GMCL1: variants seen among roughly 807,000 people sequenced by gnomAD.
GMCL1 encodes germ cell-less protein-like 1.
In GMCL1, 54 loss-of-function variants were observed where a neutral mutation model predicts 75.5. The observed-to-expected ratio is 0.71, with a 90% confidence interval of 0.57 to 0.90. The LOEUF (loss-of-function observed/expected upper bound fraction) is 0.90. Ranked by LOEUF, GMCL1 falls within the 40% of genes least tolerant of loss-of-function variation. The pLI is 0.00. For missense variants in GMCL1, 537 were observed against 622.7 expected (o/e 0.86, Z 1.47); for synonymous variants, 210 against 209.6 (o/e 1.00, Z -0.02).
intron 1 of GMCL1, among the ~76,000 whole-genome samples, chr2:69,832,552 G>C (rs1413787665): frequency 6.6e-6 from 1 of 152,138 alleles, no homozygotes; most frequent in Non-Finnish European, 1.5e-5. Context: ...GGTGAAGTCT[G>C]GGATTGTAGT....
chr2:69,863,464 CT>C (rs1158438242), intron 10 of GMCL1, among the ~76,000 whole-genome samples: 1 of 152,152 alleles, frequency 6.6e-6, no homozygotes, highest in East Asian at 1.9e-4. Flanking sequence ...TCATAAAACT[CT>C]TGTCTATGTT....
chr2:69,863,827 T>A (rs1177122439), intron 10 of GMCL1, among the ~76,000 whole-genome samples: 1 of 152,206 alleles, frequency 6.6e-6, no homozygotes, highest in African/African-American at 2.4e-5. Context: ...TAAATTCTTA[T>A]GTTCATATGC....
chr2:69,859,001 C>A (rs999457457), intron 9 of GMCL1, among the ~76,000 whole-genome samples: 1 of 151,916 alleles, frequency 6.6e-6, no homozygotes, highest in Non-Finnish European at 1.5e-5. Flanking sequence ...AAAAAATAAG[C>A]CAGGTGTGGT....
At chr2:69,860,720 A>G (rs1675615005) in intron 9 of GMCL1, among the ~76,000 whole-genome samples, 1 of 152,242 alleles carries the variant, frequency 6.6e-6, no homozygotes, top group Admixed American at 6.5e-5. Context: ...TATGCAATGT[A>G]ATAAGTACAG....
At position 69,877,869 on chromosome 2, in the gene GMCL1, C is replaced by T. The variant is rs1323573716; in HGVS notation, c.1453-1040C>T. Among the ~76,000 whole-genome samples the T allele has an allele frequency of 2.0e-5, 3 of 152,150 alleles. No homozygotes were observed. The East Asian group carries it at 5.8e-4, about 29-fold the overall frequency. ...TTCCTCTTCATGCAGGAATACATGT[C>T]TCAGTAAAAAATTAAAACTTTGGAT... On this transcript the variant is annotated intron_variant, in intron 13 of 13. Coordinates refer to ENST00000282570, the MANE Select transcript of GMCL1 (RefSeq NM_178439.5).
Position 69,861,301 on chromosome 2 carries a change from C to G in GMCL1, c.1096C>G (p.Gln366Glu), listed in dbSNP as rs1048771115. 3.2e-5 allele frequency: 52 copies of G among 1,607,266 alleles called. No homozygotes were observed. Among genetic ancestry groups the G allele is most frequent in the Non-Finnish European group, 4.3e-5 (51 of 1,175,226 alleles). Residue 366 changes from glutamine to glutamate, a missense_variant, in exon 10 of 14, where the codon CAG becomes GAG. By Grantham distance (29) the Gln-to-Glu change is conservative. Around this residue, in one of 3 missense-constraint regions of GMCL1, gnomAD observed 345 missense variants for 410.5 expected, o/e 0.84. Transcript: ENST00000282570. ...PSEWLSSVYKQQWFAMLRAEQ... is the reference protein window; with the variant it reads ...PSEWLSSVYKEQWFAMLRAEQ... Reference sequence around the variant, plus strand: ...AGAATGGCTCTCTTCTGTGTATAAACAGCAGTGGTTTGCTATGCTGCGGGC... The same window carrying G: ...AGAATGGCTCTCTTCTGTGTATAAAGAGCAGTGGTTTGCTATGCTGCGGGC...
chr2:69,846,528 A>G (rs1675151283), intron 6 of GMCL1, among the ~76,000 whole-genome samples: 1 of 152,198 alleles, frequency 6.6e-6, no homozygotes, highest in Admixed American at 6.5e-5. Context: ...GAGGTTCTGA[A>G]ACCAATCCCC....
chr2:69,830,239 C>A, intron 1 of GMCL1, 87 bp downstream of exon 1: 6 of 1,444,710 alleles, frequency 4.2e-6, no homozygotes, highest in Non-Finnish European at 5.5e-6. Context: ...TTGCGGGGTG[C>A]AGCGCTCCCC....
At chr2:69,862,794 A>C (rs1209189670) in intron 10 of GMCL1, among the ~76,000 whole-genome samples, 4 of 152,188 alleles carry the variant, frequency 2.6e-5, no homozygotes, top group African/African-American at 9.7e-5. Context: ...ACAAATAATA[A>C]ATTGAAATCA....
Position 69,879,236 on chromosome 2 carries a change from T to TAG in GMCL1, c.*233_*234insGA, listed in dbSNP as rs1362325615. On this transcript the variant is annotated 3_prime_UTR_variant, in exon 14 of 14. Coordinates refer to ENST00000282570, the MANE Select transcript of GMCL1 (RefSeq NM_178439.5). Reference sequence around the variant, plus strand: ...TAAGAACATTTTAAAGCCAAGAAAATATCTGTCAAACCATTTCTGTTAGAA... The same window carrying TAG: ...TAAGAACATTTTAAAGCCAAGAAAATAGATCTGTCAAACCATTTCTGTTAGAA... The TAG allele has an allele frequency of 9.8e-6, 3 of 306,784 alleles. No individual in the cohort carries two copies. Among genetic ancestry groups the TAG allele is most frequent in the Non-Finnish European group, 1.2e-5 (2 of 167,112 alleles). The allele number at this position is 306,784 out of a possible 1,614,324, so 19.0% of individuals were successfully genotyped here. A position where few individuals can be genotyped will look rare whatever the true frequency, so the allele number is the denominator to read the frequency against.
At chr2:69,831,906 C>A (rs1235739722) in intron 1 of GMCL1, among the ~76,000 whole-genome samples, 1 of 152,162 alleles carries the variant, frequency 6.6e-6, no homozygotes, top group Non-Finnish European at 1.5e-5. Flanking sequence ...CCATTGCCAA[C>A]CTATAGCATA....
intron 13 of GMCL1, among the ~76,000 whole-genome samples, chr2:69,877,767 A>G (rs1482514897): frequency 6.6e-6 from 1 of 151,668 alleles, no homozygotes; most frequent in Non-Finnish European, 1.5e-5. Flanking sequence ...CTTTATTCAA[A>G]TTTATCTTCT....
rs1235481176 is a variant in GMCL1 at position 69,880,485 on chromosome 2, C to T, written c.*1481C>T. The T allele has an allele frequency of 1.3e-5, 2 of 152,102 alleles. No individual in the cohort carries two copies. The highest frequency in any genetic ancestry group is 2.9e-5 in the Non-Finnish European group (2 of 68,026). 9.4% of individuals were successfully genotyped at this position (152,102 alleles called of 1,614,324 possible). On this transcript the variant is annotated 3_prime_UTR_variant, in exon 14 of 14. Transcript: ENST00000282570. ...CCTTTTAAATGCCTCACCCTTGACC[C>T]TCAGAGCTGGAATTTAAATGTTTCT...
At chr2:69,862,965 A>T (rs1021836585) in intron 10 of GMCL1, among the ~76,000 whole-genome samples, 2 of 151,932 alleles carry the variant, frequency 1.3e-5, no homozygotes, top group Non-Finnish European at 2.9e-5. Flanking sequence ...TAAATTTTGG[A>T]TGTTCTTTAT....
intron 10 of GMCL1, 118 bp downstream of exon 10, chr2:69,861,465 A>T: frequency 1.8e-6 from 1 of 567,252 alleles, no homozygotes; most frequent in Non-Finnish European, 3.1e-6. Context: ...TGAAGTAAAG[A>T]TCATATAATC....
intron 9 of GMCL1, among the ~76,000 whole-genome samples, chr2:69,857,269 G>C (rs1675499940): frequency 1.3e-5 from 2 of 152,082 alleles, no homozygotes; most frequent in Admixed American, 6.6e-5. Context: ...TCAACTCTGT[G>C]TCCTTCACTT....
intron 8 of GMCL1, among the ~76,000 whole-genome samples, chr2:69,853,232 A>C (rs1204886738): frequency 6.6e-6 from 1 of 152,192 alleles, no homozygotes; most frequent in African/African-American, 2.4e-5. Flanking sequence ...TTAATTCAAC[A>C]TATGAACTGG....
chr2:69,852,791 G>A (rs543506378), intron 8 of GMCL1, among the ~76,000 whole-genome samples: 98 of 152,110 alleles, frequency 6.4e-4, no homozygotes, highest in African/African-American at 2.2e-3. Context: ...TGCCTGCCTC[G>A]GCCTCCCAAT....
intron 2 of GMCL1, 145 bp downstream of exon 2, chr2:69,837,815 A>G: frequency 1.0e-6 from 1 of 960,994 alleles, no homozygotes; most frequent in Non-Finnish European, 1.5e-6. Flanking sequence ...GAAAAATGGC[A>G]AACATTGTTA....
Sources: gnomAD v4.1 joint callset for allele counts (sites outside exome capture counted in the v4.1 genomes callset) on GRCh38, gnomAD v4.1.1 for gene constraint, gnomAD v4.1.1 regional missense constraint, MANE v1.5 for transcripts, NCBI Gene and HGNC (gene_info 2026-07-23, HGNC 2026-07-21) for gene names.